SCML4: variants seen among roughly 807,000 people sequenced by gnomAD.
SCML4 encodes sex comb on midleg-like protein 4.
A neutral mutation model predicts 41.1 loss-of-function variants in SCML4; 34 were observed. The ratio of observed to expected loss-of-function variants is 0.83; its 90% CI spans 0.63 to 1.10. The LOEUF (loss-of-function observed/expected upper bound fraction) is 1.10, where lower values mean the gene tolerates loss of function less well. Ranked by LOEUF, SCML4 falls within the 50% of genes least tolerant of loss-of-function variation. SCML4 has a pLI of 0.00. For synonymous variants in SCML4, 214 were observed against 220.9 expected, an observed-to-expected ratio of 0.97 and a Z score of 0.28; for missense variants, 522 against 534.1, an observed-to-expected ratio of 0.98 and a Z score of 0.22.
chr6:107,773,638 CTAAACCT>C (rs1780694411), intron 1 of SCML4, among the ~76,000 whole-genome samples: 1 of 148,446 alleles, frequency 6.7e-6, no homozygotes, highest in South Asian at 2.1e-4. Context: ...GTAGAATTGC[CTAAACCT>C]TGAAGCAAGA....
chr6:107,741,672 C>A (rs762652416), intron 5 of SCML4, among the ~76,000 whole-genome samples: 13 of 152,238 alleles, frequency 8.5e-5, no homozygotes, highest in Non-Finnish European at 1.8e-4. Flanking sequence ...TGGGATATAC[C>A]TTTTTGGGAC....
At chr6:107,837,732 A>T in the SCML4 span, among the ~76,000 whole-genome samples, 1 of 152,042 alleles carries the variant, frequency 6.6e-6, no homozygotes, top group African/African-American at 2.4e-5. Context: ...ATCAACTGTC[A>T]GTGGTCCTGA....
chr6:107,730,288 A>G (rs1286553374), intron 5 of SCML4, among the ~76,000 whole-genome samples: 3 of 152,016 alleles, frequency 2.0e-5, no homozygotes, highest in Non-Finnish European at 4.4e-5. Context: ...TAACTCCTGC[A>G]CACAGAGTCC....
At chr6:107,707,839 C>A (rs768815379) in intron 7 of SCML4, 27 bp downstream of exon 7, 122 of 1,551,534 alleles carry the variant, frequency 7.9e-5, no homozygotes, top group Non-Finnish European at 1.0e-4. Context: ...TCAATCCCCC[C>A]CAAGGTCAAA....
intron 1 of SCML4, among the ~76,000 whole-genome samples, chr6:107,816,603 C>T (rs2114294579): frequency 6.6e-6 from 1 of 152,342 alleles, no homozygotes; most frequent in Non-Finnish European, 1.5e-5. Flanking sequence ...AGCTTGCTAA[C>T]AATGGAAGGA....
chr6:107,829,563 A>G, the SCML4 span, among the ~76,000 whole-genome samples: 8 of 152,282 alleles, frequency 5.3e-5, no homozygotes, highest in African/African-American at 1.9e-4. Flanking sequence ...CACAGGGGGA[A>G]CATCACACAC....
chr6:107,756,872 A>G (rs1198473485), intron 2 of SCML4, among the ~76,000 whole-genome samples: 1 of 152,214 alleles, frequency 6.6e-6, no homozygotes, highest in Non-Finnish European at 1.5e-5. Context: ...ACAGAACTGG[A>G]AGCAGCTTGC....
At chr6:107,797,155 G>C (rs1782772255) in intron 1 of SCML4, among the ~76,000 whole-genome samples, 1 of 152,086 alleles carries the variant, frequency 6.6e-6, no homozygotes, top group Non-Finnish European at 1.5e-5. Flanking sequence ...ATTTGCATTT[G>C]AATTTCCATA....
chr6:107,768,370 C>G (rs183956958), intron 2 of SCML4, among the ~76,000 whole-genome samples: 4 of 152,206 alleles, frequency 2.6e-5, no homozygotes, highest in African/African-American at 9.6e-5. Context: ...GTTACAGCAG[C>G]TGAATTTGTA....
At chr6:107,840,174 C>T in the SCML4 span, among the ~76,000 whole-genome samples, 1 of 152,042 alleles carries the variant, frequency 6.6e-6, no homozygotes, top group Admixed American at 6.6e-5. Flanking sequence ...GGTGGGAACT[C>T]AATAAATGTT....
At chr6:107,733,587 G>A (rs1412038605) in intron 5 of SCML4, among the ~76,000 whole-genome samples, 1 of 152,172 alleles carries the variant, frequency 6.6e-6, no homozygotes, top group South Asian at 2.1e-4. Flanking sequence ...GGTGTGAGTA[G>A]CCTGCAGATA....
At chr6:107,790,489 C>T (rs929989673) in intron 1 of SCML4, among the ~76,000 whole-genome samples, 1 of 152,066 alleles carries the variant, frequency 6.6e-6, no homozygotes, top group African/African-American at 2.4e-5. Flanking sequence ...AGGGGCTTAC[C>T]GGATTATTTT....
chr6:107,787,264 A>G (rs1017632470), intron 1 of SCML4, among the ~76,000 whole-genome samples: 2 of 152,204 alleles, frequency 1.3e-5, no homozygotes, highest in Non-Finnish European at 2.9e-5. Flanking sequence ...ATAGAACAAC[A>G]TAATTATTTA....
At chr6:107,791,248 C>A (rs1283466415) in intron 1 of SCML4, among the ~76,000 whole-genome samples, 1 of 152,054 alleles carries the variant, frequency 6.6e-6, no homozygotes, top group Non-Finnish European at 1.5e-5. Flanking sequence ...TGCCTCAGGA[C>A]TATTTAGTTT....
chr6:107,727,584 C>T (rs1441565707), intron 5 of SCML4, among the ~76,000 whole-genome samples: 1 of 152,204 alleles, frequency 6.6e-6, no homozygotes, highest in Admixed American at 6.5e-5. Flanking sequence ...GTGCCGAATG[C>T]TATGCAGCCA....
intron 5 of SCML4, among the ~76,000 whole-genome samples, chr6:107,735,151 C>T (rs1776931832): frequency 6.6e-6 from 1 of 152,138 alleles, no homozygotes; most frequent in African/African-American, 2.4e-5. Context: ...GCTGGGATTA[C>T]AGGCGTGAGC....
chr6:107,802,717 T>C (rs1231767259), intron 1 of SCML4, among the ~76,000 whole-genome samples: 104 of 136,760 alleles, frequency 7.6e-4, no homozygotes, highest in East Asian at 5.0e-3. Flanking sequence ...CTCCTCTCCC[T>C]CTCCCTCTCC....
At chr6:107,752,145 G>A (rs184797250) in intron 2 of SCML4, among the ~76,000 whole-genome samples, 106 of 152,176 alleles carry the variant, frequency 7.0e-4, no homozygotes, top group African/African-American at 2.3e-3. Flanking sequence ...GAGAAAGAAG[G>A]AAGTCAAAGA....
chr6:107,839,375 AAG>A, the SCML4 span, among the ~76,000 whole-genome samples: 1 of 148,484 alleles, frequency 6.7e-6, no homozygotes, highest in Admixed American at 6.7e-5. Context: ...GAAGGAAAGA[AAG>A]AAAGAAAGAA....
Sources: gnomAD v4.1 joint callset for allele counts (sites outside exome capture counted in the v4.1 genomes callset) on GRCh38, gnomAD v4.1.1 for gene constraint, MANE v1.5 for transcripts, NCBI Gene and HGNC (gene_info 2026-07-23, HGNC 2026-07-21) for gene names.